Variants in SUGCT observed in about 807,000 individuals in gnomAD.
The protein encoded by SUGCT is succinyl-CoA:glutarate CoA-transferase.
A neutral mutation model predicts 55.0 loss-of-function variants in SUGCT; 41 were observed. That is an observed-to-expected ratio of 0.74 (90% CI 0.58 to 0.97). The LOEUF is 0.97. Ranked by LOEUF, SUGCT falls within the 50% of genes least tolerant of loss-of-function variation. The pLI, the probability that SUGCT is intolerant of heterozygous loss-of-function variation, is 0.00. For missense variants in SUGCT, 568 were observed against 547.8 expected, an observed-to-expected ratio of 1.04 and a Z score of -0.37; for synonymous variants, 187 against 200.4, an observed-to-expected ratio of 0.93 and a Z score of 0.56.
intron 1 of SUGCT, among the ~76,000 whole-genome samples, chr7:40,168,496 T>C (rs1784525596): frequency 6.6e-6 from 1 of 152,194 alleles, no homozygotes; most frequent in African/African-American, 2.4e-5. Context: ...GAGATAAACT[T>C]AACAAGGAGG....
At chr7:40,990,353 T>G in the SUGCT span, among the ~76,000 whole-genome samples, 1 of 151,542 alleles carries the variant, frequency 6.6e-6, no homozygotes, top group Non-Finnish European at 1.5e-5. Flanking sequence ...AATCTTTTTC[T>G]TTTTTCCTGA....
At chr7:40,436,002 G>T (rs2151396118) in intron 9 of SUGCT, among the ~76,000 whole-genome samples, 1 of 147,042 alleles carries the variant, frequency 6.8e-6, no homozygotes, top group South Asian at 2.1e-4. Flanking sequence ...GGAGTACAGT[G>T]GCACAATCTC....
intron 12 of SUGCT, among the ~76,000 whole-genome samples, chr7:40,584,301 A>C (rs1310407606): frequency 5.9e-5 from 9 of 152,216 alleles, no homozygotes; most frequent in Admixed American, 5.9e-4. Context: ...GCTGCCAAAC[A>C]AGTAAGTCTT....
intron 12 of SUGCT, among the ~76,000 whole-genome samples, chr7:40,741,313 T>C (rs1363166278): frequency 6.6e-6 from 1 of 151,674 alleles, no homozygotes; most frequent in Admixed American, 6.6e-5. Flanking sequence ...ATTAAGCCAG[T>C]AGAAAAGCTT....
At chr7:40,581,971 A>G (rs1308777750) in intron 12 of SUGCT, among the ~76,000 whole-genome samples, 3 of 152,210 alleles carry the variant, frequency 2.0e-5, no homozygotes, top group Non-Finnish European at 4.4e-5. Context: ...AGAGAAAGGA[A>G]ACATAAAATA....
chr7:40,184,155 A>G (rs140691148), intron 3 of SUGCT, among the ~76,000 whole-genome samples: 2,655 of 152,266 alleles, frequency 0.017, 72 homozygotes, highest in African/African-American at 0.062. Context: ...AGCCTGGGCA[A>G]CAAGAGCCAC....
At chr7:40,548,186 C>CTTTTTTTTTTTTTTTTTTTTTTTTTTTA (rs1186226631) in intron 12 of SUGCT, among the ~76,000 whole-genome samples, 1 of 104,996 alleles carries the variant, frequency 9.5e-6, no homozygotes, top group African/African-American at 3.8e-5. Flanking sequence ...TTCTTTCTTT[C>CTTTTTTTTTTTTTTTTTTTTTTTTTTTA]TTTTTTTTTT....
At chr7:40,352,595 C>T (rs1797689800) in intron 9 of SUGCT, among the ~76,000 whole-genome samples, 1 of 152,126 alleles carries the variant, frequency 6.6e-6, no homozygotes. Context: ...TAGTTTGCTT[C>T]AGATAATGGT....
chr7:40,687,231 CTG>C (rs1449356225), intron 12 of SUGCT, among the ~76,000 whole-genome samples: 5 of 152,124 alleles, frequency 3.3e-5, no homozygotes, highest in African/African-American at 7.2e-5. Flanking sequence ...GTAATAAACA[CTG>C]TGTTCAACCT....
intron 13 of SUGCT, 104 bp from the exon 14 acceptor site, chr7:40,860,212 A>T (rs909672001): frequency 7.3e-7 from 1 of 1,360,806 alleles, no homozygotes; most frequent in Non-Finnish European, 1.0e-6. Context: ...ACTGGCACTC[A>T]TTGATATTTT....
chr7:41,002,909 A>C, the SUGCT span, among the ~76,000 whole-genome samples: 1 of 152,246 alleles, frequency 6.6e-6, no homozygotes, highest in Admixed American at 6.5e-5. Context: ...GGCTGTTACT[A>C]GGACAGATGA....
intron 8 of SUGCT, among the ~76,000 whole-genome samples, chr7:40,304,671 G>T (rs373072252): frequency 1.3e-5 from 2 of 149,808 alleles, no homozygotes; most frequent in Admixed American, 6.7e-5. Context: ...CCACATATGA[G>T]TGAGAACATT....
chr7:40,545,848 G>A (rs1396582993), intron 12 of SUGCT, among the ~76,000 whole-genome samples: 1 of 152,206 alleles, frequency 6.6e-6, no homozygotes, highest in Admixed American at 6.5e-5. Context: ...TGTGTGATGG[G>A]GATGAAGATG....
chr7:40,378,051 T>G (rs1201024998), intron 9 of SUGCT, among the ~76,000 whole-genome samples: 1 of 152,172 alleles, frequency 6.6e-6, no homozygotes, highest in Admixed American at 6.5e-5. Flanking sequence ...GATTGTTTGG[T>G]TTAGGTGTTT....
the SUGCT span, among the ~76,000 whole-genome samples, chr7:40,870,454 T>C: frequency 6.6e-6 from 1 of 152,174 alleles, no homozygotes; most frequent in African/African-American, 2.4e-5. Context: ...CTTGTGGCTC[T>C]ATTCAGGGCC....
intron 12 of SUGCT, among the ~76,000 whole-genome samples, chr7:40,686,622 G>T (rs1309183583): frequency 6.6e-6 from 1 of 151,510 alleles, no homozygotes; most frequent in African/African-American, 2.4e-5. Context: ...TTCATTGAAG[G>T]ACCCCAAATA....
At chr7:40,570,988 T>G (rs1454059488) in intron 12 of SUGCT, among the ~76,000 whole-genome samples, 1 of 150,564 alleles carries the variant, frequency 6.6e-6, no homozygotes, top group Non-Finnish European at 1.5e-5. Context: ...GCCTCCCGAG[T>G]AGCTGAGATT....
chr7:40,851,883 C>G (rs1311379136), intron 13 of SUGCT, among the ~76,000 whole-genome samples: 1 of 152,038 alleles, frequency 6.6e-6, no homozygotes, highest in Non-Finnish European at 1.5e-5. Context: ...TTGGTAGAGA[C>G]CTTAGATAGT....
the SUGCT span, among the ~76,000 whole-genome samples, chr7:40,910,844 AT>A: frequency 1.3e-5 from 2 of 152,166 alleles, no homozygotes; most frequent in South Asian, 4.1e-4. Context: ...GTATTTAATG[AT>A]TTCCTTTTAC....
Sources: gnomAD v4.1 joint callset for allele counts (sites outside exome capture counted in the v4.1 genomes callset) on GRCh38, gnomAD v4.1.1 for gene constraint, MANE v1.5 for transcripts, NCBI Gene and HGNC (gene_info 2026-07-23, HGNC 2026-07-21) for gene names.